Variants in FAM149A observed in about 807,000 individuals in gnomAD.
The protein encoded by FAM149A is family with sequence similarity 149 member A.
Under a neutral mutation model 78.2 loss-of-function variants are expected in FAM149A, and 71 were observed. The ratio of observed to expected loss-of-function variants is 0.91; its 90% CI spans 0.75 to 1.11. The LOEUF (loss-of-function observed/expected upper bound fraction) is 1.11, where lower values mean the gene tolerates loss of function less well. Ranked by LOEUF, FAM149A falls within the 50% of genes least tolerant of loss-of-function variation. The pLI, the probability that FAM149A is intolerant of heterozygous loss-of-function variation, is 0.00. For synonymous variants in FAM149A, 446 were observed against 410.5 expected, an observed-to-expected ratio of 1.09 and a Z score of -1.04; for missense variants, 1,036 against 971.0, an observed-to-expected ratio of 1.07 and a Z score of -0.89.
At chr4:186,123,341 T>C (rs1171517371) in intron 1 of FAM149A, 11 of 985,378 alleles carry the variant, frequency 1.1e-5, no homozygotes, top group Middle Eastern at 5.2e-4. Flanking sequence ...TTCTTGTCTG[T>C]ACCTTTATGA....
chr4:186,159,607 A>G (rs1353183936), intron 8 of FAM149A, among the ~76,000 whole-genome samples: 1 of 152,054 alleles, frequency 6.6e-6, no homozygotes, highest in African/African-American at 2.4e-5. Flanking sequence ...TAATGAGATT[A>G]TTATCTTGTC....
At chr4:186,109,352 A>G in intron 1 of FAM149A, 1 of 672,554 alleles carries the variant, frequency 1.5e-6, no homozygotes, top group Non-Finnish European at 1.8e-6. Flanking sequence ...TTAAAATCAC[A>G]TTACTGTGGA....
chr4:186,136,950 CT>C (rs2099323085), intron 1 of FAM149A, among the ~76,000 whole-genome samples: 1 of 125,794 alleles, frequency 7.9e-6, no homozygotes, highest in Admixed American at 8.1e-5. Flanking sequence ...CTCTCTCTCT[CT>C]CTCTCTCTCT....
intron 1 of FAM149A, chr4:186,116,584 G>A: frequency 1.1e-6 from 1 of 950,762 alleles, no homozygotes; most frequent in Non-Finnish European, 1.2e-6. Flanking sequence ...TTTCTTTGTT[G>A]TTATATTTAA....
chr4:186,158,550 G>A, intron 8 of FAM149A: 1 of 926,750 alleles, frequency 1.1e-6, no homozygotes, highest in Non-Finnish European at 1.3e-6. Flanking sequence ...CTGTGGCCAA[G>A]GGGGAGTTTC....
At chr4:186,111,689 A>G (rs1170773667) in intron 1 of FAM149A, among the ~76,000 whole-genome samples, 5 of 151,110 alleles carry the variant, frequency 3.3e-5, no homozygotes, top group Non-Finnish European at 5.9e-5. Context: ...CAGGTTTGTC[A>G]AAGATCAGAT....
chr4:186,158,118 C>A lies in FAM149A; in HGVS notation c.1575+399C>A. 2.3e-6 allele frequency: 3 copies of A among 1,308,988 alleles called. No individual in the cohort carries two copies. In the South Asian group the frequency reaches 3.7e-5, roughly 16 times the overall value. The allele number at this position is 1,308,988 out of a possible 1,614,324, so 81.1% of individuals were successfully genotyped here. On this transcript the variant is annotated intron_variant, in intron 8 of 13. Transcript: ENST00000389354. Reference sequence around the variant, plus strand: ...TGTTGCTGTTGAACCCTGCTGAGGTCCCTGTCTTGCTCCAGGAACACTGGC... The same window carrying A: ...TGTTGCTGTTGAACCCTGCTGAGGTACCTGTCTTGCTCCAGGAACACTGGC...
In FAM149A at chr4:186,152,031, A is replaced by T; in HGVS notation, c.918A>T (p.Arg306Ser). The change falls in exon 4 of 14, where the codon AGA becomes AGT. Residue 306 changes from arginine to serine, a missense_variant. Arg to Ser is a moderately radical substitution (Grantham distance 110, BLOSUM62 -1). Transcript: ENST00000389354. ...CCGAATGCGGGGAGTGGACAAGAAG[A>T]TCCCTCCATTTGAGGTGGGACCTTG... 1 of 1,613,824 alleles carries T rather than the reference A, an allele frequency of 6.2e-7. No individual in the cohort carries two copies. Among genetic ancestry groups the T allele is most frequent in the Non-Finnish European group, 8.5e-7 (1 of 1,180,006 alleles).
At chr4:186,152,687 G>C (rs979118378) in intron 4 of FAM149A, among the ~76,000 whole-genome samples, 16 of 151,866 alleles carry the variant, frequency 1.1e-4, no homozygotes, top group African/African-American at 3.9e-4. Flanking sequence ...TGGGACTACA[G>C]GCACCTGCCA....
At position 186,144,100 on chromosome 4, in the gene FAM149A, G is replaced by A. The variant is rs1387431108; in HGVS notation, c.567-5073G>A. On this transcript the variant is annotated intron_variant, in intron 1 of 13. Coordinates refer to ENST00000389354, the MANE Select transcript of FAM149A (RefSeq NM_001367768.3). The surrounding 1 kb of genome is among the most constrained non-coding windows in gnomAD (Gnocchi z 4.2). Reference sequence around the variant, plus strand: ...CCCTGTCGTGGGAAAGGCATGCCTCGTGCAGTGCCCACCCTCTGAGACTCA... The same window carrying A: ...CCCTGTCGTGGGAAAGGCATGCCTCATGCAGTGCCCACCCTCTGAGACTCA... 6.6e-6 allele frequency: 1 copy of A among 152,116 alleles called. No individual in the cohort carries two copies. Among genetic ancestry groups the A allele is most frequent in the Non-Finnish European group, 1.5e-5 (1 of 68,058 alleles). 9.4% of individuals were successfully genotyped at this position (152,116 alleles called of 1,614,324 possible).
intron 1 of FAM149A, among the ~76,000 whole-genome samples, chr4:186,136,157 A>G (rs772430590): frequency 6.6e-6 from 1 of 152,206 alleles, no homozygotes; most frequent in South Asian, 2.1e-4. Context: ...TGAAAAACAC[A>G]TTTTAGGAAA....
intron 6 of FAM149A, 67 bp downstream of exon 6, chr4:186,154,705 T>A: frequency 1.3e-6 from 2 of 1,493,666 alleles, no homozygotes; most frequent in Middle Eastern, 4.5e-4. Flanking sequence ...TTTATTGTTA[T>A]CGTATGCTCA....
At chr4:186,123,917 C>T (rs2099317129) in intron 1 of FAM149A, 1 of 982,302 alleles carries the variant, frequency 1.0e-6, no homozygotes, top group Non-Finnish European at 1.2e-6. Flanking sequence ...AAAGCAGTGA[C>T]AGTAGCTGAA....
At chr4:186,125,903 C>G (rs2099318130) in intron 1 of FAM149A, 2 of 985,368 alleles carry the variant, frequency 2.0e-6, no homozygotes, top group Non-Finnish European at 2.4e-6. Flanking sequence ...GGCACCCTCT[C>G]TGTGTCCTGC....
At chr4:186,126,999 T>C in intron 1 of FAM149A, 1 of 985,392 alleles carries the variant, frequency 1.0e-6, no homozygotes, top group Non-Finnish European at 1.2e-6. Context: ...GAATGGAATT[T>C]TGTAATGGTA....
At chr4:186,151,007 T>G in intron 3 of FAM149A, 4 of 985,208 alleles carry the variant, frequency 4.1e-6, no homozygotes, top group Non-Finnish European at 4.8e-6. Context: ...GCCCAGCCTC[T>G]TTGCTTTCTT....
chr4:186,110,159 G>C, intron 1 of FAM149A: 1 of 985,358 alleles, frequency 1.0e-6, no homozygotes, highest in African/African-American at 1.7e-5. Flanking sequence ...AATATTTATT[G>C]AATGGATGAA....
chr4:186,143,321 C>T (rs563333096), intron 1 of FAM149A, among the ~76,000 whole-genome samples: 20 of 151,544 alleles, frequency 1.3e-4, no homozygotes, highest in Middle Eastern at 6.8e-3. Flanking sequence ...GCATGCCCAT[C>T]CTCCCACCCC....
At chr4:186,110,579 A>G (rs1180467089) in intron 1 of FAM149A, among the ~76,000 whole-genome samples, 3 of 121,742 alleles carry the variant, frequency 2.5e-5, no homozygotes, top group South Asian at 6.5e-4. Context: ...AGAGTGTGAT[A>G]TTCCCCTTCC....
Sources: allele counts gnomAD v4.1 joint callset (sites outside exome capture counted in the v4.1 genomes callset), GRCh38; gene constraint gnomAD v4.1.1; non-coding constraint Gnocchi (gnomAD v3.1); transcripts MANE v1.5; gene names NCBI Gene and HGNC (gene_info 2026-07-23, HGNC 2026-07-21).